SPIDR: variants seen among roughly 807,000 people sequenced by gnomAD.
The protein encoded by SPIDR is scaffold protein involved in DNA repair.
Under a neutral mutation model 104.6 loss-of-function variants are expected in SPIDR, and 93 were observed. That is an observed-to-expected ratio of 0.89 (90% CI 0.75 to 1.06). The LOEUF (loss-of-function observed/expected upper bound fraction) is 1.06. Among genes scored for constraint, SPIDR ranks in the 50% least tolerant of loss-of-function variants. The pLI is 0.00. For missense variants in SPIDR, 1,154 were observed against 1,111.2 expected (o/e 1.04, Z -0.55); for synonymous variants, 431 against 416.9 (o/e 1.03, Z -0.41).
intron 8 of SPIDR, among the ~76,000 whole-genome samples, chr8:47,475,640 A>G (rs1288923004): frequency 6.6e-6 from 1 of 152,232 alleles, no homozygotes; most frequent in East Asian, 1.9e-4. Flanking sequence ...AAAAATTATA[A>G]TAAAAGGCTA....
intron 5 of SPIDR, among the ~76,000 whole-genome samples, chr8:47,338,741 T>C (rs1384893918): frequency 6.6e-6 from 1 of 152,206 alleles, no homozygotes; most frequent in African/African-American, 2.4e-5. Flanking sequence ...GGCCCATCAT[T>C]TTGTAATATA....
rs1014856754 is a variant in SPIDR at position 47,345,523 on chromosome 8, G to C, written c.526-50853G>C. 7.9e-5 allele frequency among the ~76,000 whole-genome samples: 12 copies of C among 152,238 alleles called. 1 individual carries two copies. The East Asian group carries it at 2.3e-3, about 29-fold the overall frequency. On this transcript the variant is annotated intron_variant, in intron 5 of 19. Transcript: ENST00000297423. The stretch of plus-strand genomic sequence containing the variant: ...AGAAAGTCATTGGTAGCTTGTTGGG[G>C]ATGGCATTGAATCTATAAATTACCT...
Position 47,599,210 on chromosome 8 carries a change from T to TG in SPIDR, c.1544+15dup, listed in dbSNP as rs747157108. The TG allele has an allele frequency of 1.2e-6, 2 of 1,612,124 alleles. No individual in the cohort carries two copies. The highest frequency in any genetic ancestry group is 1.7e-6 in the Non-Finnish European group (2 of 1,179,144). On this transcript the variant is annotated intron_variant, in intron 10 of 19. Transcript: ENST00000297423. ...AGCTGGAACTCGGTGAGTGCCAAGATGCTGGTGTGGGGCAGAGGTGAAGAG... is the reference window on the plus strand; with the variant it reads ...AGCTGGAACTCGGTGAGTGCCAAGATGGCTGGTGTGGGGCAGAGGTGAAGAG...
At chr8:47,470,562 G>C (rs1438463064) in intron 8 of SPIDR, among the ~76,000 whole-genome samples, 6 of 152,054 alleles carry the variant, frequency 3.9e-5, no homozygotes, top group African/African-American at 1.4e-4. Flanking sequence ...GGTCAGTTAC[G>C]AGCTACCACG....
At chr8:47,564,072 C>CTTTTTTTTTTTTTT (rs869220760) in intron 8 of SPIDR, among the ~76,000 whole-genome samples, 76 of 76,832 alleles carry the variant, frequency 9.9e-4, no homozygotes, top group East Asian at 2.0e-3. Context: ...TTTTTCTTTT[C>CTTTTTTTTTTTTTT]TTTTTTTTTT....
chr8:47,685,608 CT>C (rs1004414331), intron 11 of SPIDR, among the ~76,000 whole-genome samples: 9 of 146,692 alleles, frequency 6.1e-5, no homozygotes, highest in Admixed American at 1.4e-4. Context: ...GTTTTTCTTT[CT>C]TTTTTTTTAA....
intron 8 of SPIDR, among the ~76,000 whole-genome samples, chr8:47,459,820 T>G (rs1383783791): frequency 6.6e-6 from 1 of 152,216 alleles, no homozygotes; most frequent in Admixed American, 6.5e-5. Context: ...TCCCAGGGCT[T>G]TTGATAGGTT....
At chr8:47,709,331 G>C (rs1488199564) in intron 14 of SPIDR, among the ~76,000 whole-genome samples, 1 of 152,172 alleles carries the variant, frequency 6.6e-6, no homozygotes, top group Non-Finnish European at 1.5e-5. Flanking sequence ...GTAGAGACAG[G>C]GTTTCACAAT....
At chr8:47,620,317 G>A (rs989752277) in intron 10 of SPIDR, among the ~76,000 whole-genome samples, 3 of 135,982 alleles carry the variant, frequency 2.2e-5, no homozygotes, top group Non-Finnish European at 3.1e-5. Flanking sequence ...CTCTGTCACC[G>A]AGGCTGGAGT....
chr8:47,269,499 G>A (rs1158528222), intron 1 of SPIDR, among the ~76,000 whole-genome samples: 123 of 148,658 alleles, frequency 8.3e-4, no homozygotes, highest in Admixed American at 2.7e-3. Context: ...CTCATGATCC[G>A]CCCACCTTGG....
chr8:47,554,369 G>A (rs900294517), intron 8 of SPIDR, among the ~76,000 whole-genome samples: 8 of 152,188 alleles, frequency 5.3e-5, no homozygotes, highest in African/African-American at 1.9e-4. Flanking sequence ...GCATAAGCAG[G>A]CAGGCCTCCT....
chr8:47,592,082 A>G, intron 8 of SPIDR: 1 of 1,222,022 alleles, frequency 8.2e-7, no homozygotes, highest in South Asian at 1.3e-5. Context: ...TTAAATGCAA[A>G]CAAAAAGGAG....
At chr8:47,628,198 A>G (rs886250795) in intron 10 of SPIDR, among the ~76,000 whole-genome samples, 1 of 152,232 alleles carries the variant, frequency 6.6e-6, no homozygotes, top group Non-Finnish European at 1.5e-5. Context: ...GCTTTTAAAG[A>G]AAGCTAAATT....
chr8:47,381,466 A>G (rs1183244934), intron 5 of SPIDR, among the ~76,000 whole-genome samples: 2 of 152,216 alleles, frequency 1.3e-5, no homozygotes, highest in Non-Finnish European at 2.9e-5. Context: ...AAAAGCTTCT[A>G]GGCAGCCAGG....
chr8:47,485,662 GAGGAACGATC>G (rs2077488954), intron 8 of SPIDR, among the ~76,000 whole-genome samples: 1 of 152,214 alleles, frequency 6.6e-6, no homozygotes, highest in Non-Finnish European at 1.5e-5. Flanking sequence ...AAAGCTTCCA[GAGGAACGATC>G]AGGCAGCAGC....
chr8:47,497,806 C>G (rs1000315377), intron 8 of SPIDR, among the ~76,000 whole-genome samples: 4 of 152,124 alleles, frequency 2.6e-5, no homozygotes, highest in Non-Finnish European at 5.9e-5. Flanking sequence ...CTTGGAGTAT[C>G]TGTCTACAGT....
At chr8:47,627,019 C>A (rs184023913) in intron 10 of SPIDR, among the ~76,000 whole-genome samples, 3 of 152,034 alleles carry the variant, frequency 2.0e-5, no homozygotes, top group African/African-American at 7.2e-5. Flanking sequence ...CTGGATTAAG[C>A]AAATGTGGCA....
chr8:47,368,533 GTCTTGA>G (rs2057557127), intron 5 of SPIDR, among the ~76,000 whole-genome samples: 1 of 152,082 alleles, frequency 6.6e-6, no homozygotes, highest in South Asian at 2.1e-4. Context: ...ACATGCTGTG[GTCTTGA>G]TGAGACAAGA....
intron 1 of SPIDR, among the ~76,000 whole-genome samples, chr8:47,272,438 T>C (rs908048288): frequency 6.6e-6 from 1 of 152,220 alleles, no homozygotes; most frequent in African/African-American, 2.4e-5. Flanking sequence ...TTGTGTTGCC[T>C]GTCGTGTGTA....
Sources: gnomAD v4.1 joint callset for allele counts (sites outside exome capture counted in the v4.1 genomes callset) on GRCh38, gnomAD v4.1.1 for gene constraint, MANE v1.5 for transcripts, NCBI Gene and HGNC (gene_info 2026-07-23, HGNC 2026-07-21) for gene names.